Variants in BRI3BP observed in about 807,000 individuals in gnomAD.
BRI3BP encodes the protein BRI3 binding protein.
Under a neutral mutation model 15.8 loss-of-function variants are expected in BRI3BP, and 7 were observed. That is an observed-to-expected ratio of 0.44 (90% CI 0.25 to 0.83). The LOEUF (loss-of-function observed/expected upper bound fraction) is 0.83, where lower values mean the gene tolerates loss of function less well. BRI3BP is among the 40% of genes least tolerant of loss of function. The pLI, the probability that BRI3BP is intolerant of heterozygous loss-of-function variation, is 0.20. For synonymous variants in BRI3BP, 192 were observed against 163.5 expected (o/e 1.17, Z -1.33); for missense variants, 320 against 339.3 (o/e 0.94, Z 0.45).
At chr12:125,043,591 C>T in the BRI3BP span, among the ~76,000 whole-genome samples, 2 of 151,298 alleles carry the variant, frequency 1.3e-5, no homozygotes, top group Admixed American at 6.6e-5. Flanking sequence ...GGTGTGGTGG[C>T]GCACCCTGTA....
chr12:125,017,256 T>G (rs1955255243), intron 2 of BRI3BP, among the ~76,000 whole-genome samples: 2 of 151,638 alleles, frequency 1.3e-5, no homozygotes, highest in South Asian at 4.2e-4. Flanking sequence ...ACTCCTGACC[T>G]CATGATCCAC....
intron 1 of BRI3BP, among the ~76,000 whole-genome samples, chr12:124,999,510 A>G (rs901940813): frequency 6.6e-6 from 1 of 151,746 alleles, no homozygotes; most frequent in Non-Finnish European, 1.5e-5. Flanking sequence ...TGCAGTCTCT[A>G]CCTCCCGGGC....
At chr12:125,037,493 G>A in the BRI3BP span, among the ~76,000 whole-genome samples, 3 of 152,082 alleles carry the variant, frequency 2.0e-5, no homozygotes, top group African/African-American at 4.8e-5. Context: ...CATCTGTCAG[G>A]AAATTATCTA....
In BRI3BP at chr12:125,028,692, C is replaced by T. The variant is rs11549742; in HGVS notation, c.*3262C>T. On this transcript the variant is annotated 3_prime_UTR_variant, in exon 3 of 3. Transcript: ENST00000341446. ...TCCTAGATGCTAGATTTGAAGAAAA[C>T]CTGGGTTTTATTGCATAGATTTCAC... The T allele has an allele frequency of 6.6e-6, 1 of 151,888 alleles. No homozygotes were observed. The highest frequency in any genetic ancestry group is 6.6e-5 in the Admixed American group (1 of 15,222). 9.4% of individuals were successfully genotyped at this position (151,888 alleles called of 1,614,324 possible).
At chr12:125,032,127 G>A (rs56324027), downstream of BRI3BP, among the ~76,000 whole-genome samples, 9,579 of 152,174 alleles carry the variant, frequency 0.063, 474 homozygotes, top group African/African-American at 0.13. Context: ...ACCAGAATGA[G>A]GAGGGGCAGC....
At chr12:125,013,270 T>C (rs1482353267) in intron 2 of BRI3BP, among the ~76,000 whole-genome samples, 1 of 152,068 alleles carries the variant, frequency 6.6e-6, no homozygotes, top group Non-Finnish European at 1.5e-5. Context: ...AGAAGGGGAT[T>C]TCATGAGACA....
At chr12:124,999,763 G>A (rs200971770) in intron 1 of BRI3BP, among the ~76,000 whole-genome samples, 5 of 148,358 alleles carry the variant, frequency 3.4e-5, no homozygotes, top group Admixed American at 6.8e-5. Context: ...GACTACAGGC[G>A]CCTGCCACCA....
intron 2 of BRI3BP, among the ~76,000 whole-genome samples, chr12:125,020,735 A>G (rs181020597): frequency 2.6e-5 from 4 of 152,200 alleles, no homozygotes; most frequent in Admixed American, 1.3e-4. Context: ...AAATCAAAAC[A>G]TTAGCTTGGT....
the BRI3BP span, among the ~76,000 whole-genome samples, chr12:125,040,091 A>G: frequency 6.6e-6 from 1 of 152,002 alleles, no homozygotes; most frequent in African/African-American, 2.4e-5. Context: ...GTGAAACCCC[A>G]TCTCTACTGA....
the BRI3BP span, among the ~76,000 whole-genome samples, chr12:125,043,840 A>G: frequency 4.6e-5 from 7 of 152,078 alleles, no homozygotes; most frequent in African/African-American, 1.7e-4. Flanking sequence ...TGGGTGAAAG[A>G]GCGAGACTCC....
intron 1 of BRI3BP, among the ~76,000 whole-genome samples, chr12:124,995,673 T>A (rs550800060): frequency 4.6e-5 from 7 of 152,112 alleles, no homozygotes; most frequent in African/African-American, 1.7e-4. Context: ...TAATCTTATG[T>A]AATCCTTAGA....
Position 124,997,460 on chromosome 12 carries a change from C to T in BRI3BP, c.213+3457C>T, listed in dbSNP as rs562751001. The stretch of plus-strand genomic sequence containing the variant: ...CGATCTCATGACTTCAGGTGATCTG[C>T]CTGCCTCGGCCTCCCAAAGTGCCGG... On this transcript the variant is annotated intron_variant, in intron 1 of 2. Coordinates refer to ENST00000341446, the MANE Select transcript of BRI3BP (RefSeq NM_080626.6). Among the ~76,000 whole-genome samples the T allele has an allele frequency of 1.5e-4, 22 of 151,474 alleles. 1 individual carries two copies. The South Asian group carries it at 4.4e-3, about 30-fold the overall frequency.
Position 124,993,903 on chromosome 12 carries a change from G to A in BRI3BP, c.113G>A (p.Arg38His). The change falls in exon 1 of 3, where the codon CGC (arginine) becomes CAC (histidine). Residue 38 changes from arginine to histidine, a missense_variant. By Grantham distance (29) the Arg-to-His change is conservative. Coordinates refer to ENST00000341446, the MANE Select transcript of BRI3BP (RefSeq NM_080626.6). ...LAPGAQGARG[R>H]GGAEKNSYRR... ...CCGGGCGCGCAGGGGGCGCGGGGCC[G>A]CGGCGGCGCGGAGAAGAACAGCTAC... 7.8e-7 allele frequency: 1 copy of A among 1,274,368 alleles called. No homozygotes were observed. The highest frequency in any genetic ancestry group is 1.0e-6 in the Non-Finnish European group (1 of 1,002,926). The allele number at this position is 1,274,368 out of a possible 1,614,324, so 78.9% of individuals were successfully genotyped here.
chr12:125,014,910 G>A (rs570837387), intron 2 of BRI3BP, among the ~76,000 whole-genome samples: 1 of 152,262 alleles, frequency 6.6e-6, no homozygotes, highest in East Asian at 1.9e-4. Context: ...GGGACCACAG[G>A]CCCATGCCAC....
At chr12:125,018,923 A>G (rs1024601726) in intron 2 of BRI3BP, among the ~76,000 whole-genome samples, 6 of 151,902 alleles carry the variant, frequency 3.9e-5, no homozygotes, top group Non-Finnish European at 8.8e-5. Flanking sequence ...CAATGCCGCA[A>G]TCTTGGCTCA....
chr12:125,035,085 A>C (rs1955433581), downstream of BRI3BP, among the ~76,000 whole-genome samples: 1 of 152,038 alleles, frequency 6.6e-6, no homozygotes, highest in Non-Finnish European at 1.5e-5. Flanking sequence ...TTATCCATTC[A>C]CTTGTTGATG....
chr12:125,030,146 T>G lies in BRI3BP; in HGVS notation c.*4716T>G, dbSNP rs972955599. 6.6e-6 allele frequency: 1 copy of G among 152,252 alleles called. No individual in the cohort carries two copies. Among genetic ancestry groups the G allele is most frequent in the Non-Finnish European group, 1.5e-5 (1 of 68,044 alleles). The allele number at this position is 152,252 out of a possible 1,614,324, so 9.4% of individuals were successfully genotyped here. ...TCACTGCTACTTCTTAAGATGCTTT[T>G]GATGAATGTCATCTGCCTTACAAGT... On this transcript the variant is annotated 3_prime_UTR_variant, in exon 3 of 3. Coordinates refer to ENST00000341446, the MANE Select transcript of BRI3BP (RefSeq NM_080626.6).
downstream of BRI3BP, among the ~76,000 whole-genome samples, chr12:125,032,657 C>G (rs771994331): frequency 6.6e-6 from 1 of 150,810 alleles, no homozygotes. Flanking sequence ...GCCTGCAGTC[C>G]CAGCTACTCG....
At chr12:125,024,062 A>G (rs1955324470) in intron 2 of BRI3BP, among the ~76,000 whole-genome samples, 1 of 152,206 alleles carries the variant, frequency 6.6e-6, no homozygotes, top group African/African-American at 2.4e-5. Context: ...CACAAACAAA[A>G]AAACCAAAAA....
Sources: allele counts gnomAD v4.1 joint callset (sites outside exome capture counted in the v4.1 genomes callset), GRCh38; gene constraint gnomAD v4.1.1; transcripts MANE v1.5; gene names NCBI Gene and HGNC (gene_info 2026-07-23, HGNC 2026-07-21).